Variants in GLCE observed in about 807,000 individuals in gnomAD.
GLCE encodes D-glucuronyl C5-epimerase.
GLCE carries 19 observed loss-of-function variants against 47.9 expected under a neutral mutation model. The ratio of observed to expected loss-of-function variants is 0.40; its 90% confidence interval spans 0.28 to 0.58. GLCE has a LOEUF of 0.58. Ranked by LOEUF, GLCE falls within the 20% of genes least tolerant of loss-of-function variation. The probability of loss-of-function intolerance (pLI) is 0.48; values close to 1 mark genes in which losing one functional copy is unlikely to be tolerated. For synonymous variants in GLCE, 245 were observed against 263.4 expected, an observed-to-expected ratio of 0.93 and a Z score of 0.68; for missense variants, 556 against 743.3, an observed-to-expected ratio of 0.75 and a Z score of 2.93.
At chr15:69,263,625 A>G (rs2053044413) in intron 4 of GLCE, among the ~76,000 whole-genome samples, 1 of 152,170 alleles carries the variant, frequency 6.6e-6, no homozygotes. Context: ...AAATTAAATT[A>G]GCTTTCCCTT....
Position 69,270,322 on chromosome 15 carries a change from T to C in GLCE, c.*1078T>C, listed in dbSNP as rs1385561473. On this transcript the variant is annotated 3_prime_UTR_variant, in exon 5 of 5. Transcript: ENST00000261858. Reference sequence around the variant, plus strand: ...TAAGTCTGTGCATCATTGGGTGTTTTTTTTTAATTTAATTTTAAATTATCC... The same window carrying C: ...TAAGTCTGTGCATCATTGGGTGTTTCTTTTTAATTTAATTTTAAATTATCC... 2 of 152,178 alleles carry C rather than the reference T, an allele frequency of 1.3e-5. No individual in the cohort carries two copies. Among genetic ancestry groups the C allele is most frequent in the African/African-American group, 4.8e-5 (2 of 41,436 alleles). 9.4% of individuals were successfully genotyped at this position (152,178 alleles called of 1,614,324 possible). A position where few individuals can be genotyped will look rare whatever the true frequency, so the allele number is the denominator to read the frequency against.
intron 1 of GLCE, among the ~76,000 whole-genome samples, chr15:69,200,399 C>G (rs1348977798): frequency 6.6e-6 from 1 of 152,116 alleles, no homozygotes; most frequent in East Asian, 1.9e-4. Flanking sequence ...TGCAATGTTG[C>G]AAGGCATATG....
intron 2 of GLCE, among the ~76,000 whole-genome samples, chr15:69,212,215 C>T (rs995456327): frequency 2.3e-4 from 35 of 151,714 alleles, no homozygotes; most frequent in Admixed American, 2.1e-3. Flanking sequence ...CAATTTCTTA[C>T]GAATAAGTAA....
At chr15:69,250,410 G>A (rs538794605) in intron 2 of GLCE, among the ~76,000 whole-genome samples, 17 of 151,500 alleles carry the variant, frequency 1.1e-4, no homozygotes, top group African/African-American at 2.7e-4. Flanking sequence ...AAAAAAACCC[G>A]TGCCCATTTG....
rs2053125695 is a variant in GLCE, at chr15:69,268,974, A to G, written c.1584A>G (p.Glu528=). ...GLYDLKETAG[E]KLGKEARSLY... ...ATGACTTAAAAGAAACTGCAGGGGAAAAACTCGGAAAAGAAGCAAGGTCCT... is the reference window on the plus strand; with the variant it reads ...ATGACTTAAAAGAAACTGCAGGGGAGAAACTCGGAAAAGAAGCAAGGTCCT... Residue 528 remains glutamate, a synonymous_variant, in exon 5 of 5, where the codon GAA becomes GAG. Coordinates refer to ENST00000261858, the MANE Select transcript of GLCE (RefSeq NM_015554.3). The G allele has an allele frequency of 1.2e-6, 2 of 1,614,110 alleles. No individual in the cohort carries two copies. The highest frequency in any genetic ancestry group is 3.3e-5 in the Admixed American group (2 of 60,010).
At chr15:69,167,501 C>CT (rs1448823931) in intron 1 of GLCE, among the ~76,000 whole-genome samples, 1 of 152,148 alleles carries the variant, frequency 6.6e-6, no homozygotes. Flanking sequence ...GATCTTATGC[C>CT]TGCTGAGTTG....
chr15:69,167,666 A>G (rs972475095), intron 1 of GLCE, among the ~76,000 whole-genome samples: 1 of 152,222 alleles, frequency 6.6e-6, no homozygotes, highest in Non-Finnish European at 1.5e-5. Context: ...GGTAGTGTAT[A>G]AAGATAACCA....
In GLCE at chr15:69,256,337, T is replaced by C; in HGVS notation, c.531T>C (p.Phe177=). 6.2e-7 allele frequency: 1 copy of C among 1,613,988 alleles called. No homozygotes were observed. The highest frequency in any genetic ancestry group is 1.7e-5 in the Admixed American group (1 of 60,018). The change falls in exon 3 of 5, where the codon TTT becomes TTC. Residue 177 remains phenylalanine, a synonymous_variant. Coordinates refer to ENST00000261858, the MANE Select transcript of GLCE (RefSeq NM_015554.3). ...PYHPDGVFMS[F]EGYNVEVRDR... ...ACCCCGATGGTGTGTTTATGTCTTTTGAAGGCTACAATGTGGAAGTCCGAG... is the reference window on the plus strand; with the variant it reads ...ACCCCGATGGTGTGTTTATGTCTTTCGAAGGCTACAATGTGGAAGTCCGAG...
At chr15:69,187,313 T>C (rs1030894874) in intron 1 of GLCE, among the ~76,000 whole-genome samples, 1 of 152,160 alleles carries the variant, frequency 6.6e-6, no homozygotes, top group African/African-American at 2.4e-5. Context: ...AGAGATACTA[T>C]TAATATATAT....
intron 1 of GLCE, among the ~76,000 whole-genome samples, chr15:69,181,153 T>C (rs144017057): frequency 3.3e-5 from 5 of 152,278 alleles, no homozygotes; most frequent in Admixed American, 3.3e-4. Context: ...GGTAAAACTA[T>C]GATGGAAGAT....
At chr15:69,249,501 C>T (rs1349476462) in intron 2 of GLCE, among the ~76,000 whole-genome samples, 1 of 152,072 alleles carries the variant, frequency 6.6e-6, no homozygotes, top group Admixed American at 6.5e-5. Context: ...CATCTACTTA[C>T]TCAGTATCAA....
intron 1 of GLCE, among the ~76,000 whole-genome samples, chr15:69,200,221 T>C (rs1435504720): frequency 6.6e-6 from 1 of 152,136 alleles, no homozygotes; most frequent in Non-Finnish European, 1.5e-5. Flanking sequence ...TTCTAATTAC[T>C]GTTAAACAGA....
At chr15:69,243,496 T>C (rs1013121712) in intron 2 of GLCE, among the ~76,000 whole-genome samples, 4 of 151,160 alleles carry the variant, frequency 2.6e-5, no homozygotes, top group African/African-American at 9.7e-5. Context: ...CCCAGCACTT[T>C]GGGAGGCTAA....
chr15:69,232,785 GA>G (rs1422015235), intron 2 of GLCE, among the ~76,000 whole-genome samples: 1 of 152,048 alleles, frequency 6.6e-6, no homozygotes, highest in Non-Finnish European at 1.5e-5. Context: ...AAACAAGGGG[GA>G]AAAATCTATT....
At chr15:69,251,798 T>C (rs1443597220) in intron 2 of GLCE, among the ~76,000 whole-genome samples, 1 of 152,222 alleles carries the variant, frequency 6.6e-6, no homozygotes, top group Non-Finnish European at 1.5e-5. Context: ...ATTTGACTAA[T>C]AGGAAAGAGG....
At chr15:69,213,644 T>C (rs1268564439) in intron 2 of GLCE, among the ~76,000 whole-genome samples, 2 of 152,156 alleles carry the variant, frequency 1.3e-5, no homozygotes, top group African/African-American at 4.8e-5. Context: ...TACTTTTCCC[T>C]TAATTAGTAA....
intron 1 of GLCE, among the ~76,000 whole-genome samples, chr15:69,170,227 T>C (rs2051569746): frequency 6.6e-6 from 1 of 152,176 alleles, no homozygotes; most frequent in African/African-American, 2.4e-5. Context: ...ATAAGTGAAG[T>C]TGAAACATTG....
At chr15:69,213,354 C>G (rs2052259721) in intron 2 of GLCE, among the ~76,000 whole-genome samples, 1 of 152,070 alleles carries the variant, frequency 6.6e-6, no homozygotes, top group Admixed American at 6.6e-5. Flanking sequence ...TCTGACAGTT[C>G]CTTAGTCTTT....
intron 4 of GLCE, among the ~76,000 whole-genome samples, chr15:69,263,157 C>T (rs890280679): frequency 1.3e-5 from 2 of 152,098 alleles, no homozygotes; most frequent in Non-Finnish European, 2.9e-5. Flanking sequence ...AGGATGCTGC[C>T]TCTCCAGTTG....
Sources: gnomAD v4.1 joint callset for allele counts (sites outside exome capture counted in the v4.1 genomes callset) on GRCh38, gnomAD v4.1.1 for gene constraint, MANE v1.5 for transcripts, NCBI Gene and HGNC (gene_info 2026-07-23, HGNC 2026-07-21) for gene names.